The following PLAC8L1 variants were observed in gnomAD, a reference collection of about 807,000 sequenced individuals.
PLAC8L1 encodes the protein PLAC8-like protein 1.
Under a neutral mutation model 16.3 loss-of-function variants are expected in PLAC8L1, and 13 were observed. The ratio of observed to expected loss-of-function variants is 0.80; its 90% confidence interval spans 0.52 to 1.27. The LOEUF (loss-of-function observed/expected upper bound fraction) is 1.27, where lower values mean the gene tolerates loss of function less well. Ranked by LOEUF, PLAC8L1 falls within the 50% of genes most tolerant of loss-of-function variation. The pLI is 0.00. For missense variants in PLAC8L1, 184 were observed against 220.2 expected (o/e 0.84, Z 1.04); for synonymous variants, 78 against 79.3 (o/e 0.98, Z 0.09).
At chr5:146,101,035 A>G (rs1346637464) in intron 1 of PLAC8L1, among the ~76,000 whole-genome samples, 1 of 152,054 alleles carries the variant, frequency 6.6e-6, no homozygotes, top group Non-Finnish European at 1.5e-5. Context: ...TCCTATCTCA[A>G]CTAAAAATAC....
rs58130114 is a variant in PLAC8L1 at position 146,086,024 on chromosome 5, C to CTTTTTTTTTTTTT, written c.257-440_257-428dup. ...ATTTCTATAAGTGTAATTGAAAGGT[C>CTTTTTTTTTTTTT]TTTTTTTTTTTTTTTTTTTTTTTGA... On this transcript the variant is annotated intron_variant, in intron 2 of 3. Transcript: ENST00000311450. Among the ~76,000 whole-genome samples, 87 of 90,386 alleles carry CTTTTTTTTTTTTT rather than the reference C, an allele frequency of 9.6e-4. 9 individuals carry two copies. The highest frequency in any genetic ancestry group is 3.8e-3 in the African/African-American group (82 of 21,654). The allele number at this position is 90,386 out of a possible 152,430, so 59.3% of individuals were successfully genotyped here. A position where few individuals can be genotyped will look rare whatever the true frequency, so the allele number is the denominator to read the frequency against.
intron 1 of PLAC8L1, among the ~76,000 whole-genome samples, chr5:146,101,810 T>G (rs1173723007): frequency 1.3e-5 from 2 of 152,216 alleles, no homozygotes; most frequent in African/African-American, 2.4e-5. Flanking sequence ...CTCAATGTGA[T>G]GGCCACAAGC....
rs1437846733 is a variant in PLAC8L1 at position 146,098,271 on chromosome 5, A to C, written c.141T>G (p.Ala47=). The C allele has an allele frequency of 1.2e-6, 2 of 1,614,100 alleles. No homozygotes were observed. Among genetic ancestry groups the C allele is most frequent in the Non-Finnish European group, 8.5e-7 (1 of 1,179,980 alleles). ...SNLRGHVPAS[A]VVKQPVRGAS... ...CTCCCCGAACAGGCTGCTTCACCAC[A>C]GCGCTGGCTGGTACATGGCCTCTGG... The change falls in exon 2 of 4, where the codon GCT becomes GCG. Residue 47 remains alanine (A), a synonymous_variant. Coordinates refer to ENST00000311450, the MANE Select transcript of PLAC8L1 (RefSeq NM_001029869.3).
At chr5:146,089,170 A>T (rs1763568816) in intron 2 of PLAC8L1, among the ~76,000 whole-genome samples, 1 of 152,150 alleles carries the variant, frequency 6.6e-6, no homozygotes, top group Non-Finnish European at 1.5e-5. Flanking sequence ...ATGCTTTTTA[A>T]AAAAAACACA....
intron 1 of PLAC8L1, 109 bp from the exon 2 acceptor site, chr5:146,098,401 G>T: frequency 9.3e-7 from 1 of 1,078,982 alleles, no homozygotes; most frequent in Non-Finnish European, 1.3e-6. Context: ...ATGATGCCAA[G>T]GGGCTCATAG....
intron 2 of PLAC8L1, among the ~76,000 whole-genome samples, chr5:146,087,856 G>A (rs1001330980): frequency 1.1e-4 from 17 of 152,218 alleles, no homozygotes; most frequent in African/African-American, 3.1e-4. Flanking sequence ...GAAGGCTAAG[G>A]AGAAGCAGGC....
At chr5:146,096,260 C>G (rs893247624) in intron 2 of PLAC8L1, among the ~76,000 whole-genome samples, 4 of 152,206 alleles carry the variant, frequency 2.6e-5, no homozygotes, top group Non-Finnish European at 4.4e-5. Context: ...GTCCAAATCT[C>G]TCTCTTCTTA....
At position 146,104,341 on chromosome 5, in the gene PLAC8L1, T is replaced by C; in HGVS notation, c.-30A>G. ...AGAAGTGTTTTCTTGTCCTTTGGGCTATCCTTTTTCCCTTTGGCAATAAGC... is the reference window on the plus strand; with the variant it reads ...AGAAGTGTTTTCTTGTCCTTTGGGCCATCCTTTTTCCCTTTGGCAATAAGC... On this transcript the variant is annotated 5_prime_UTR_variant, in exon 1 of 4. It adds an upstream start codon to the 5' untranslated region. Transcript: ENST00000311450. The C allele has an allele frequency of 6.5e-7, 1 of 1,545,704 alleles. No individual in the cohort carries two copies. Among genetic ancestry groups the C allele is most frequent in the South Asian group, 1.1e-5 (1 of 89,454 alleles).
At chr5:146,084,691 C>T (rs753379847) in intron 3 of PLAC8L1, 119 bp from the exon 4 acceptor site, 5 of 1,328,358 alleles carry the variant, frequency 3.8e-6, no homozygotes, top group African/African-American at 1.5e-5. Context: ...TCACCAACAT[C>T]CTTAAGCCAA....
intron 1 of PLAC8L1, among the ~76,000 whole-genome samples, chr5:146,098,745 T>C (rs1273513603): frequency 2.0e-5 from 3 of 152,204 alleles, no homozygotes; most frequent in Non-Finnish European, 4.4e-5. Context: ...CCAGGGGATG[T>C]GTGACAAAGT....
At chr5:146,100,247 A>C (rs1462972442) in intron 1 of PLAC8L1, among the ~76,000 whole-genome samples, 2 of 152,196 alleles carry the variant, frequency 1.3e-5, no homozygotes, top group Non-Finnish European at 2.9e-5. Context: ...GTGAGAATCA[A>C]GACAATACTT....
chr5:146,098,149 A>G lies in PLAC8L1; in HGVS notation c.256+7T>C, dbSNP rs1211355471. 2 of 1,607,316 alleles carry G rather than the reference A, an allele frequency of 1.2e-6. No homozygotes were observed. Among genetic ancestry groups the G allele is most frequent in the East Asian group, 4.5e-5 (2 of 44,694 alleles). On this transcript the variant is annotated splice_region_variant and intron_variant, in intron 2 of 3. Transcript: ENST00000311450. ...AGGAGGAACTTAAATAAGGAGGAAA[A>G]ACTTACAAATTCTCCTATCTCTGCA...
intron 1 of PLAC8L1, among the ~76,000 whole-genome samples, chr5:146,100,597 G>C (rs1356206982): frequency 1.3e-5 from 2 of 152,050 alleles, no homozygotes; most frequent in Non-Finnish European, 2.9e-5. Flanking sequence ...ATGAATGGTT[G>C]CTAAGAAGCA....
At chr5:146,103,899 A>C in intron 1 of PLAC8L1, 1 of 985,406 alleles carries the variant, frequency 1.0e-6, no homozygotes, top group Non-Finnish European at 1.2e-6. Context: ...TTCATTTCAA[A>C]AGGGTGGAAA....
rs546894804 is a variant in PLAC8L1 at position 146,104,941 on chromosome 5, G to C, written c.-630C>G. 6.6e-6 allele frequency: 1 copy of C among 152,386 alleles called. No homozygotes were observed. The highest frequency in any genetic ancestry group is 1.5e-5 in the Non-Finnish European group (1 of 68,160). 9.4% of individuals were successfully genotyped at this position (152,386 alleles called of 1,614,324 possible). On this transcript the variant is annotated 5_prime_UTR_variant, in exon 1 of 4. Transcript: ENST00000311450. ...CCATTAACTTCATTGATAATGCCAG[G>C]AAAGTGGCATTTCTTTCCTACCCAG...
chr5:146,092,895 G>T (rs1311919803), intron 2 of PLAC8L1, among the ~76,000 whole-genome samples: 1 of 151,760 alleles, frequency 6.6e-6, no homozygotes, highest in Non-Finnish European at 1.5e-5. Flanking sequence ...GATCACCTAG[G>T]TATGTTTTTT....
intron 1 of PLAC8L1, 112 bp from the exon 2 acceptor site, chr5:146,098,404 G>C (rs986316784): frequency 9.6e-7 from 1 of 1,038,030 alleles, no homozygotes; most frequent in Non-Finnish European, 1.3e-6. Flanking sequence ...ATGCCAAGGG[G>C]CTCATAGCCC....
chr5:146,103,653 C>A, intron 1 of PLAC8L1: 1 of 985,206 alleles, frequency 1.0e-6, no homozygotes, highest in South Asian at 4.7e-5. Flanking sequence ...AGGAGGCTAA[C>A]TCCTGTTAAA....
chr5:146,084,650 C>A, intron 3 of PLAC8L1, 78 bp from the exon 4 acceptor site: 2 of 1,539,962 alleles, frequency 1.3e-6, no homozygotes, highest in Non-Finnish European at 1.8e-6. Flanking sequence ...ACAATGTTAC[C>A]TCCTGGCCCT....
Sources: allele counts gnomAD v4.1 joint callset (sites outside exome capture counted in the v4.1 genomes callset), GRCh38; gene constraint gnomAD v4.1.1; transcripts MANE v1.5; gene names NCBI Gene and HGNC (gene_info 2026-07-23, HGNC 2026-07-21).